Variants in ALPK2 observed in about 807,000 individuals in gnomAD.
The protein encoded by ALPK2 is alpha-protein kinase 2.
In ALPK2, 127 loss-of-function variants were observed where a neutral mutation model predicts 163.1. The ratio of observed to expected loss-of-function variants is 0.78; its 90% CI spans 0.67 to 0.90. The LOEUF is 0.90. ALPK2 is among the 40% of genes least tolerant of loss of function. The probability of loss-of-function intolerance (pLI) is 0.00; values close to 1 mark genes in which losing one functional copy is unlikely to be tolerated. For synonymous variants in ALPK2, 953 were observed against 959.1 expected (o/e 0.99, Z 0.12); for missense variants, 2,360 against 2,589.6 (o/e 0.91, Z 1.92).
chr18:58,579,604 G>A lies in ALPK2; in HGVS notation c.1172C>T (p.Ala391Val). ...MGCGSRVSGD[A>V]GPMVATAGFC... ...GCCAGCAGTGGCAACCATAGGCCCA[G>A]CGTCACCCGACACCCGAGACCCACA... Residue 391 changes from alanine to valine, a missense_variant, in exon 4 of 13, where the codon GCT (alanine) becomes GTT (valine). Coordinates refer to ENST00000361673, the MANE Select transcript of ALPK2 (RefSeq NM_052947.4). 2 of 1,613,658 alleles carry A rather than the reference G, an allele frequency of 1.2e-6. No homozygotes were observed. Among genetic ancestry groups the A allele is most frequent in the Non-Finnish European group, 8.5e-7 (1 of 1,179,976 alleles).
At chr18:58,516,163 G>A (rs904670848) in intron 9 of ALPK2, among the ~76,000 whole-genome samples, 1 of 152,036 alleles carries the variant, frequency 6.6e-6, no homozygotes, top group Admixed American at 6.6e-5. Context: ...AGACTGCTGT[G>A]GAGCCGTGAT....
chr18:58,514,343 G>A (rs2051509901), intron 10 of ALPK2, among the ~76,000 whole-genome samples: 1 of 152,172 alleles, frequency 6.6e-6, no homozygotes, highest in South Asian at 2.1e-4. Context: ...CTGTCTGAAA[G>A]TTCCAACATG....
At chr18:58,589,872 C>A (rs1279681873) in intron 3 of ALPK2, among the ~76,000 whole-genome samples, 1 of 152,152 alleles carries the variant, frequency 6.6e-6, no homozygotes, top group African/African-American at 2.4e-5. Flanking sequence ...ACCAGGTGCC[C>A]TGAAGACAGG....
At chr18:58,503,060 T>A (rs2051440732) in intron 11 of ALPK2, among the ~76,000 whole-genome samples, 1 of 152,236 alleles carries the variant, frequency 6.6e-6, no homozygotes, top group Non-Finnish European at 1.5e-5. Context: ...TTTCCTGGGA[T>A]CCCCTCTCAA....
In ALPK2 at chr18:58,529,136, A is replaced by G. The variant is rs765606827; in HGVS notation, c.5456T>C (p.Ile1819Thr). The stretch of plus-strand genomic sequence containing the variant: ...GGACTTTGAATCTTTTGTCCAGCAG[A>G]TAGTAGAATCTTCATGAATTTCTGC... ...QFAEIHEDST[I>T]CWTKDSKSIA... is the part of the protein sequence containing the mutation. The change falls in exon 6 of 13, where the codon ATC (isoleucine) becomes ACC (threonine). Residue 1819 changes from isoleucine to threonine, a missense_variant. Transcript: ENST00000361673. 1 of 1,614,008 alleles carries G rather than the reference A, an allele frequency of 6.2e-7. No individual in the cohort carries two copies. The highest frequency in any genetic ancestry group is 1.7e-5 in the Admixed American group (1 of 60,004).
In ALPK2 at chr18:58,525,967, G is replaced by GAAAAAAAA. The variant is rs10653750; in HGVS notation, c.5502-1913_5502-1906dup. ...TACTGGGGGATTCAATGATGAAAAAGAAAAAAAAAAAAAAAAAAAGGCACA... is the reference window on the plus strand; with the variant it reads ...TACTGGGGGATTCAATGATGAAAAAGAAAAAAAAAAAAAAAAAAAAAAAAAAAGGCACA... On this transcript the variant is annotated intron_variant, in intron 6 of 12. Coordinates refer to ENST00000361673, the MANE Select transcript of ALPK2 (RefSeq NM_052947.4). Among the ~76,000 whole-genome samples the GAAAAAAAA allele has an allele frequency of 7.6e-4, 89 of 116,948 alleles. 5 individuals carry two copies. The highest frequency in any genetic ancestry group is 5.1e-3 in the Middle Eastern group (1 of 198). 76.7% of individuals were successfully genotyped at this position (116,948 alleles called of 152,430 possible).
intron 1 of ALPK2, among the ~76,000 whole-genome samples, chr18:58,623,682 T>A (rs952380796): frequency 1.3e-5 from 2 of 152,204 alleles, no homozygotes; most frequent in Non-Finnish European, 2.9e-5. Context: ...GCCAGGCTGG[T>A]CTCAAACTCC....
chr18:58,494,045 T>G (rs1400900817), intron 12 of ALPK2, among the ~76,000 whole-genome samples: 1 of 152,128 alleles, frequency 6.6e-6, no homozygotes, highest in Non-Finnish European at 1.5e-5. Context: ...GAGAGAAGCA[T>G]GAGTTTGCAG....
chr18:58,531,577 G>A (rs556969916), intron 5 of ALPK2, among the ~76,000 whole-genome samples: 2 of 151,124 alleles, frequency 1.3e-5, no homozygotes, highest in Non-Finnish European at 2.9e-5. Flanking sequence ...GTGCTCAATG[G>A]TGGAGTAGAT....
Position 58,537,184 on chromosome 18 carries a change from C to A in ALPK2, c.3003G>T (p.Ala1001=), listed in dbSNP as rs772534629. The A allele has an allele frequency of 3.1e-6, 5 of 1,613,536 alleles. No individual in the cohort carries two copies. In the African/African-American group the frequency reaches 4.0e-5, roughly 13 times the overall value. Residue 1001 remains alanine (A), a synonymous_variant, in exon 5 of 13, where the codon GCG becomes GCT. Transcript: ENST00000361673. ...TLTANNECFQ[A]TRETEDTSTV... is the part of the protein sequence containing the mutation. ...TTGATGTGTCCTCAGTCTCCCTGGT[C>A]GCTTGAAAGCACTCATTATTAGCAG...
intron 2 of ALPK2, among the ~76,000 whole-genome samples, chr18:58,609,752 C>A (rs2052117920): frequency 6.6e-6 from 1 of 152,176 alleles, no homozygotes. Context: ...GTTTTTGGAA[C>A]CTACTGTGGG....
chr18:58,626,946 G>A (rs755320503), intron 1 of ALPK2, among the ~76,000 whole-genome samples: 2 of 151,434 alleles, frequency 1.3e-5, no homozygotes, highest in Non-Finnish European at 2.9e-5. Flanking sequence ...GAGAAACTAT[G>A]ATTCGACACA....
chr18:58,548,763 C>T (rs776658036), intron 4 of ALPK2, among the ~76,000 whole-genome samples: 2 of 152,132 alleles, frequency 1.3e-5, no homozygotes, highest in African/African-American at 2.4e-5. Flanking sequence ...ATATTGAGAT[C>T]GCTGAGAGGG....
intron 10 of ALPK2, chr18:58,512,401 A>T (rs1413743641): frequency 6.6e-6 from 1 of 152,186 alleles, no homozygotes; most frequent in Admixed American, 6.5e-5. Flanking sequence ...AAGACCTCAC[A>T]TGCTCCGTTA....
At chr18:58,595,110 C>T (rs918241880) in intron 3 of ALPK2, among the ~76,000 whole-genome samples, 6 of 152,190 alleles carry the variant, frequency 3.9e-5, no homozygotes, top group South Asian at 2.1e-4. Context: ...GTGAAGAGAA[C>T]CTGCCTTCCC....
intron 4 of ALPK2, among the ~76,000 whole-genome samples, chr18:58,564,851 T>A (rs4940412): frequency 0.85 from 129,660 of 152,206 alleles, 55,632 homozygotes; most frequent in East Asian, 1. Context: ...AAAATTTTTT[T>A]AAAAGTTTTC....
chr18:58,499,974 A>T (rs1328982498), intron 11 of ALPK2, among the ~76,000 whole-genome samples: 1 of 152,268 alleles, frequency 6.6e-6, no homozygotes, highest in African/African-American at 2.4e-5. Context: ...TAATGCTCGG[A>T]TTCAGCGTTA....
In ALPK2 at chr18:58,601,561, T is replaced by G. The variant is rs553827789; in HGVS notation, c.227+5761A>C. On this transcript the variant is annotated intron_variant, in intron 3 of 12. Coordinates refer to ENST00000361673, the MANE Select transcript of ALPK2 (RefSeq NM_052947.4). The stretch of plus-strand genomic sequence containing the variant: ...GGTGGAACTCATGAGGCCCTGCAGC[T>G]CCGTGACCTTGGAATGCTGCCCTTA... Among the ~76,000 whole-genome samples, 5 of 152,280 alleles carry G rather than the reference T, an allele frequency of 3.3e-5. No homozygotes were observed. The South Asian group carries it at 8.3e-4, about 25-fold the overall frequency.
intron 4 of ALPK2, among the ~76,000 whole-genome samples, chr18:58,554,059 C>A (rs2051775803): frequency 6.6e-6 from 1 of 151,870 alleles, no homozygotes; most frequent in African/African-American, 2.4e-5. Context: ...CGGGATTTCC[C>A]CATGTTGGCC....
Sources: gnomAD v4.1 joint callset for allele counts (sites outside exome capture counted in the v4.1 genomes callset) on GRCh38, gnomAD v4.1.1 for gene constraint, MANE v1.5 for transcripts, NCBI Gene and HGNC (gene_info 2026-07-23, HGNC 2026-07-21) for gene names.